Variants in SNAPC1 observed in about 807,000 individuals in gnomAD.
SNAPC1 encodes the protein small nuclear RNA activating complex polypeptide 1.
A neutral mutation model predicts 50.1 loss-of-function variants in SNAPC1; 42 were observed. The ratio of observed to expected loss-of-function variants is 0.84; its 90% CI spans 0.65 to 1.08. SNAPC1 has a LOEUF of 1.08. SNAPC1 is among the 50% of genes least tolerant of loss of function. The pLI, the probability that SNAPC1 is intolerant of heterozygous loss-of-function variation, is 0.00. For synonymous variants in SNAPC1, 164 were observed against 144.2 expected, an observed-to-expected ratio of 1.14 and a Z score of -0.98; for missense variants, 477 against 427.3, an observed-to-expected ratio of 1.12 and a Z score of -1.02.
chr14:61,792,809 A>G lies in SNAPC1; in HGVS notation c.979A>G (p.Asn327Asp). 6.8e-7 allele frequency: 1 copy of G among 1,471,520 alleles called. No individual in the cohort carries two copies. 91.2% of individuals were successfully genotyped at this position (1,471,520 alleles called of 1,614,324 possible). A position where few individuals can be genotyped will look rare whatever the true frequency, so the allele number is the denominator to read the frequency against. The part of the protein sequence containing the change: ...GRKMSLRNKG[N>D]VQNIHKEDKP... Reference sequence around the variant, plus strand: ...AATCATTTTCTAAATATTTCTAGGCAATGTGCAGAATATACACAAGGAAGA... The same window carrying G: ...AATCATTTTCTAAATATTTCTAGGCGATGTGCAGAATATACACAAGGAAGA... Residue 327 changes from asparagine (N) to aspartate (D), a missense_variant and splice_region_variant, in exon 9 of 10, where the codon AAT (asparagine) becomes GAT (aspartate). Asn to Asp is a conservative substitution (Grantham distance 23, BLOSUM62 1). Coordinates refer to ENST00000216294, the MANE Select transcript of SNAPC1 (RefSeq NM_003082.4).
intron 8 of SNAPC1, among the ~76,000 whole-genome samples, chr14:61,783,288 C>T (rs2045090868): frequency 6.6e-6 from 1 of 151,848 alleles, no homozygotes; most frequent in Admixed American, 6.6e-5. Context: ...GCCTTGGCTT[C>T]CCAAAGTGCT....
intron 4 of SNAPC1, among the ~76,000 whole-genome samples, chr14:61,772,733 T>C (rs2045001436): frequency 6.6e-6 from 1 of 152,232 alleles, no homozygotes; most frequent in Admixed American, 6.5e-5. Flanking sequence ...TGGTAGAATG[T>C]AAATATTTTT....
At chr14:61,788,698 T>A (rs1470674921) in intron 8 of SNAPC1, among the ~76,000 whole-genome samples, 1 of 152,168 alleles carries the variant, frequency 6.6e-6, no homozygotes, top group Non-Finnish European at 1.5e-5. Context: ...GGAAATAAAA[T>A]CTCAGTTTAA....
intron 6 of SNAPC1, 44 bp from the exon 7 acceptor site, chr14:61,778,804 G>T: frequency 1.7e-6 from 2 of 1,159,044 alleles, no homozygotes; most frequent in Non-Finnish European, 2.5e-6. Flanking sequence ...TTCACCTAAT[G>T]TTTGTGTGTT....
intron 6 of SNAPC1, 92 bp from the exon 7 acceptor site, chr14:61,778,756 A>G: frequency 1.3e-6 from 1 of 799,356 alleles, no homozygotes; most frequent in Non-Finnish European, 2.1e-6. Context: ...TGTGTCTGAA[A>G]TCTTATTTCT....
In SNAPC1 at chr14:61,778,178, G is replaced by C. The variant is rs747069222; in HGVS notation, c.762+38G>C. ...TGCAATTCATATTATGTGTGGCTGT[G>C]ATTCTGTATACTGAGCATTGTGACC... On this transcript the variant is annotated intron_variant, in intron 6 of 9. Coordinates refer to ENST00000216294, the MANE Select transcript of SNAPC1 (RefSeq NM_003082.4). 8.1e-6 allele frequency: 10 copies of C among 1,231,430 alleles called. No homozygotes were observed. The South Asian group carries it at 1.3e-4, about 16-fold the overall frequency. The allele number at this position is 1,231,430 out of a possible 1,614,324, so 76.3% of individuals were successfully genotyped here. A position where few individuals can be genotyped will look rare whatever the true frequency, so the allele number is the denominator to read the frequency against.
At chr14:61,788,645 T>G (rs572404424) in intron 8 of SNAPC1, among the ~76,000 whole-genome samples, 6 of 152,164 alleles carry the variant, frequency 3.9e-5, no homozygotes, top group Non-Finnish European at 8.8e-5. Flanking sequence ...TTATATTATT[T>G]GATAAAGATT....
intron 4 of SNAPC1, among the ~76,000 whole-genome samples, chr14:61,775,660 G>A (rs1048146835): frequency 2.6e-5 from 4 of 152,166 alleles, no homozygotes; most frequent in African/African-American, 4.8e-5. Flanking sequence ...GATGAGAGTC[G>A]TTACATAGGA....
intron 4 of SNAPC1, 133 bp downstream of exon 4, chr14:61,768,873 A>G (rs796662661): frequency 5.6e-6 from 3 of 539,094 alleles, no homozygotes; most frequent in Admixed American, 3.2e-5. Flanking sequence ...CTATTTCTCT[A>G]GAGTATCAGA....
At chr14:61,791,038 T>C (rs542160973) in intron 8 of SNAPC1, among the ~76,000 whole-genome samples, 134 of 152,118 alleles carry the variant, frequency 8.8e-4, no homozygotes, top group Non-Finnish European at 1.4e-3. Context: ...CGAGATGGAG[T>C]CTTGCTCTGT....
At chr14:61,778,430 G>A (rs1181728370) in intron 6 of SNAPC1, among the ~76,000 whole-genome samples, 2 of 152,212 alleles carry the variant, frequency 1.3e-5, no homozygotes, top group Admixed American at 6.5e-5. Flanking sequence ...TCACTTGTCA[G>A]CCTTTCAACC....
rs145568258 is a variant in SNAPC1 at position 61,788,732 on chromosome 14, C to G, written c.977-4075C>G. 8.5e-3 allele frequency among the ~76,000 whole-genome samples: 1,299 copies of G among 152,204 alleles called. 7 individuals are homozygous for G. The highest frequency in any genetic ancestry group is 0.031 in the Middle Eastern group (9 of 294). On this transcript the variant is annotated intron_variant, in intron 8 of 9. Transcript: ENST00000216294. ...AAGTGGGAGAGTAAATTGGCACATT[C>G]TTTTCATAGAGCAATTTAGAATCAG...
intron 8 of SNAPC1, among the ~76,000 whole-genome samples, 169 bp downstream of exon 8, chr14:61,782,566 T>C (rs1287430256): frequency 6.6e-6 from 1 of 152,228 alleles, no homozygotes; most frequent in East Asian, 1.9e-4. Flanking sequence ...ATCTTATTGC[T>C]TGAAAGGGAT....
chr14:61,788,998 C>T (rs1039373910), intron 8 of SNAPC1, among the ~76,000 whole-genome samples: 3 of 151,914 alleles, frequency 2.0e-5, no homozygotes, highest in Admixed American at 6.6e-5. Flanking sequence ...TTTGGGAGGC[C>T]GAGGCAGGCA....
intron 5 of SNAPC1, among the ~76,000 whole-genome samples, chr14:61,777,849 C>T (rs1275690566): frequency 6.6e-6 from 1 of 152,166 alleles, no homozygotes; most frequent in African/African-American, 2.4e-5. Flanking sequence ...CACATAAAGA[C>T]TACCACATGA....
At chr14:61,772,224 G>A (rs752891060) in intron 4 of SNAPC1, among the ~76,000 whole-genome samples, 1 of 152,046 alleles carries the variant, frequency 6.6e-6, no homozygotes, top group Non-Finnish European at 1.5e-5. Context: ...AGCCTCCTGA[G>A]TAGCTAGGCC....
chr14:61,787,493 G>A (rs967943694), intron 8 of SNAPC1, among the ~76,000 whole-genome samples: 4 of 152,034 alleles, frequency 2.6e-5, no homozygotes, highest in Non-Finnish European at 5.9e-5. Context: ...TAGAATCACG[G>A]CAGATTCAGA....
chr14:61,775,183 G>A (rs1352889637), intron 4 of SNAPC1, among the ~76,000 whole-genome samples: 4 of 152,034 alleles, frequency 2.6e-5, no homozygotes, highest in Non-Finnish European at 5.9e-5. Flanking sequence ...CCATTTGGCT[G>A]GAGATTTTTG....
At chr14:61,783,438 G>T (rs2045092021) in intron 8 of SNAPC1, among the ~76,000 whole-genome samples, 1 of 150,294 alleles carries the variant, frequency 6.7e-6, no homozygotes, top group Admixed American at 6.6e-5. Context: ...GCTGTATTAA[G>T]ATGTCCTTTT....
Sources: gnomAD v4.1 joint callset for allele counts (sites outside exome capture counted in the v4.1 genomes callset) on GRCh38, gnomAD v4.1.1 for gene constraint, MANE v1.5 for transcripts, NCBI Gene and HGNC (gene_info 2026-07-23, HGNC 2026-07-21) for gene names.